TPT1: variants seen among roughly 807,000 people sequenced by gnomAD.
TPT1 encodes tumor protein, translationally-controlled 1.
Under a neutral mutation model 22.8 loss-of-function variants are expected in TPT1, and 5 were observed. The ratio of observed to expected loss-of-function variants is 0.22; its 90% CI spans 0.11 to 0.46. The LOEUF (loss-of-function observed/expected upper bound fraction) is 0.46, where lower values mean the gene tolerates loss of function less well. Among genes scored for constraint, TPT1 ranks in the 20% least tolerant of loss-of-function variants. The pLI is 0.99. For missense variants in TPT1, 130 were observed against 218.7 expected (o/e 0.59, Z 2.56); for synonymous variants, 89 against 73.6 (o/e 1.21, Z -1.07).
chr13:45,340,878 T>C (rs1055300560), intron 1 of TPT1, 93 bp from the exon 2 acceptor site: 11 of 1,460,128 alleles, frequency 7.5e-6, no homozygotes, highest in African/African-American at 7.2e-5. Flanking sequence ...GATCTGCCCC[T>C]CCGTAGCACA....
Position 45,337,022 on chromosome 13 carries a change from C to A in TPT1, c.*364G>T. The A allele has an allele frequency of 3.8e-6, 1 of 259,766 alleles. No individual in the cohort carries two copies. Among genetic ancestry groups the A allele is most frequent in the Non-Finnish European group, 7.4e-6 (1 of 134,476 alleles). 16.1% of individuals were successfully genotyped at this position (259,766 alleles called of 1,614,324 possible). On this transcript the variant is annotated 3_prime_UTR_variant, in exon 6 of 6. Coordinates refer to ENST00000530705, the MANE Select transcript of TPT1 (RefSeq NM_003295.4). Reference sequence around the variant, plus strand: ...CTTTATTGCAACTCAAAATCAGAACCTTTGATTCTTTTTTATATTCCAGTC... The same window carrying A: ...CTTTATTGCAACTCAAAATCAGAACATTTGATTCTTTTTTATATTCCAGTC...
intron 1 of TPT1, 55 bp from the exon 2 acceptor site, chr13:45,340,840 C>T (rs1405783348): frequency 6.7e-7 from 1 of 1,489,044 alleles, no homozygotes; most frequent in South Asian, 1.4e-5. Context: ...CCATTTCCCG[C>T]ATTTCCCGCG....
Position 45,341,140 on chromosome 13 carries a change from C to A in TPT1, c.-71G>T. ...CCTGAAACTCGGAGCGAGCGCGGTG[C>A]AGCCGGAGCGGCGCTCGGGGGGAGG... On this transcript the variant is annotated 5_prime_UTR_variant, in exon 1 of 6. Transcript: ENST00000530705. The A allele has an allele frequency of 6.3e-7, 1 of 1,592,674 alleles. No individual in the cohort carries two copies. The highest frequency in any genetic ancestry group is 1.3e-5 in the African/African-American group (1 of 74,380).
intron 5 of TPT1, 103 bp downstream of exon 5, chr13:45,338,557 C>A: frequency 6.7e-7 from 1 of 1,497,482 alleles, no homozygotes; most frequent in Non-Finnish European, 8.9e-7. Flanking sequence ...AACCATGTTT[C>A]AGAACGCTGT....
chr13:45,340,902 C>G, intron 1 of TPT1, 117 bp from the exon 2 acceptor site: 1 of 1,490,208 alleles, frequency 6.7e-7, no homozygotes, highest in Non-Finnish European at 9.0e-7. Context: ...GAGCTGGGCG[C>G]GAGCCCCGGG....
intron 4 of TPT1, 134 bp downstream of exon 4, chr13:45,339,363 G>GA: frequency 1.6e-6 from 1 of 641,302 alleles, no homozygotes. Flanking sequence ...ACAAGATTTG[G>GA]AAACACCTGC....
At position 45,340,138 on chromosome 13, in the gene TPT1, C is replaced by G; in HGVS notation, c.149G>C (p.Gly50Ala). ...CTCGGGGCCTTCAGCGGAGGCATTT[C>G]CACCAATGAGCGAGTCATCAATGTT... is the stretch of plus-strand genomic sequence containing the variant. ...EGNIDDSLIG[G>A]NASAEGPEGE... The change falls in exon 3 of 6, where the codon GGA becomes GCA. Residue 50 changes from glycine (G) to alanine (A), a missense_variant. Transcript: ENST00000530705. 6.2e-7 allele frequency: 1 copy of G among 1,614,090 alleles called. No homozygotes were observed. Among genetic ancestry groups the G allele is most frequent in the Non-Finnish European group, 8.5e-7 (1 of 1,180,000 alleles).
chr13:45,339,377 C>A, intron 4 of TPT1, 120 bp downstream of exon 4: 1 of 762,334 alleles, frequency 1.3e-6, no homozygotes, highest in Non-Finnish European at 2.0e-6. Context: ...CACCTGCGAG[C>A]TGGGAAAGCC....
chr13:45,335,244 A>G lies in TPT1; in HGVS notation c.*2142T>C, dbSNP rs1404746895. On this transcript the variant is annotated 3_prime_UTR_variant, in exon 6 of 6. Transcript: ENST00000530705. ...CTGGAATCTTCAAAGGTTTACCATG[A>G]GGTAAACAGCTGGGGTTCATCACTT... is the stretch of plus-strand genomic sequence containing the variant. 6.6e-6 allele frequency: 1 copy of G among 152,250 alleles called. No homozygotes were observed. Among genetic ancestry groups the G allele is most frequent in the Non-Finnish European group, 1.5e-5 (1 of 68,048 alleles). The allele number at this position is 152,250 out of a possible 1,614,324, so 9.4% of individuals were successfully genotyped here.
chr13:45,340,691 G>A lies in TPT1; in HGVS notation c.102+21C>T, dbSNP rs369568428. On this transcript the variant is annotated intron_variant, in intron 2 of 5. Coordinates refer to ENST00000530705, the MANE Select transcript of TPT1 (RefSeq NM_003295.4). Reference sequence around the variant, plus strand: ...GCCCGCTCGGCCCGGACTCCCCCACGCGCAGGCCCGACCGACTCACCTTCC... The same window carrying A: ...GCCCGCTCGGCCCGGACTCCCCCACACGCAGGCCCGACCGACTCACCTTCC... The A allele has an allele frequency of 1.4e-5, 21 of 1,555,020 alleles. No homozygotes were observed. In the African/African-American group the frequency reaches 1.9e-4, roughly 14 times the overall value.
At chr13:45,337,985 T>TG (rs1487392535) in intron 5 of TPT1, among the ~76,000 whole-genome samples, 3 of 152,218 alleles carry the variant, frequency 2.0e-5, no homozygotes, top group African/African-American at 7.2e-5. Flanking sequence ...AATGATCAGC[T>TG]GCCCATTATC....
rs973929507 is a variant in TPT1, at chr13:45,336,371, G to A, written c.*1015C>T. ...CAATTAGACAGACGGAAAGCGCAAG[G>A]ACATGTTCTTCTTGCATCTGTGGTG... On this transcript the variant is annotated 3_prime_UTR_variant, in exon 6 of 6. Coordinates refer to ENST00000530705, the MANE Select transcript of TPT1 (RefSeq NM_003295.4). 1 of 152,212 alleles carries A rather than the reference G, an allele frequency of 6.6e-6. No individual in the cohort carries two copies. The highest frequency in any genetic ancestry group is 1.5e-5 in the Non-Finnish European group (1 of 68,044). The allele number at this position is 152,212 out of a possible 1,614,324, so 9.4% of individuals were successfully genotyped here.
intron 5 of TPT1, 97 bp downstream of exon 5, chr13:45,338,563 G>A (rs765755390): frequency 2.6e-6 from 4 of 1,512,034 alleles, no homozygotes; most frequent in South Asian, 2.7e-5. Flanking sequence ...GTTTCAGAAC[G>A]CTGTAAAACT....
At chr13:45,340,891 A>G in intron 1 of TPT1, 106 bp from the exon 2 acceptor site, 1 of 1,485,036 alleles carries the variant, frequency 6.7e-7, no homozygotes, top group Non-Finnish European at 9.0e-7. Context: ...GTAGCACACC[A>G]GAGCTGGGCG....
At chr13:45,337,797 T>C (rs2147503) in intron 5 of TPT1, among the ~76,000 whole-genome samples, 85,457 of 152,148 alleles carry the variant, frequency 0.56, 24,871 homozygotes, top group African/African-American at 0.68. Flanking sequence ...CTTTATGTTT[T>C]TCTTCTTCCT....
chr13:45,339,215 A>T, intron 4 of TPT1: 2 of 363,836 alleles, frequency 5.5e-6, no homozygotes, highest in Non-Finnish European at 9.8e-6. Context: ...AAGCTCAGAT[A>T]CATTAGAAGG....
At chr13:45,340,633 A>C (rs1026269984) in intron 2 of TPT1, 79 bp downstream of exon 2, 1 of 1,489,138 alleles carries the variant, frequency 6.7e-7, no homozygotes, top group African/African-American at 1.4e-5. Context: ...GGAGGATTGC[A>C]CAACCTCAGG....
chr13:45,340,651 G>A, intron 2 of TPT1, 61 bp downstream of exon 2: 1 of 1,527,372 alleles, frequency 6.5e-7, no homozygotes, highest in Non-Finnish European at 8.9e-7. Context: ...AGGCGGGGGA[G>A]CGGAGGAAAC....
At chr13:45,338,917 T>C in intron 4 of TPT1, 141 bp from the exon 5 acceptor site, 1 of 640,000 alleles carries the variant, frequency 1.6e-6, no homozygotes, top group Non-Finnish European at 2.6e-6. Context: ...TGCTCACTTA[T>C]CATAGACATC....
Sources: gnomAD v4.1 joint callset for allele counts (sites outside exome capture counted in the v4.1 genomes callset) on GRCh38, gnomAD v4.1.1 for gene constraint, MANE v1.5 for transcripts, NCBI Gene and HGNC (gene_info 2026-07-23, HGNC 2026-07-21) for gene names.